EPHA3: variants seen among roughly 807,000 people sequenced by gnomAD.
The protein encoded by EPHA3 is EPH receptor A3.
In EPHA3, 42 loss-of-function variants were observed where a neutral mutation model predicts 107.1. That is an observed-to-expected ratio of 0.39 (90% CI 0.31 to 0.51). EPHA3 has a LOEUF of 0.51. Ranked by LOEUF, EPHA3 falls within the 20% of genes least tolerant of loss-of-function variation. The pLI is 0.78. For missense variants in EPHA3, 1,183 were observed against 1,211.2 expected, an observed-to-expected ratio of 0.98 and a Z score of 0.35; for synonymous variants, 461 against 424.8, an observed-to-expected ratio of 1.09 and a Z score of -1.05.
intron 2 of EPHA3, among the ~76,000 whole-genome samples, chr3:89,153,237 T>C (rs1704725581): frequency 6.6e-6 from 1 of 152,070 alleles, no homozygotes; most frequent in South Asian, 2.1e-4. Context: ...AGAGAGAAGA[T>C]GAGAATGTTT....
At chr3:89,324,731 G>A (rs1355528185) in intron 3 of EPHA3, among the ~76,000 whole-genome samples, 1 of 151,828 alleles carries the variant, frequency 6.6e-6, no homozygotes, top group Non-Finnish European at 1.5e-5. Flanking sequence ...TAGATTCAGA[G>A]CATACATGTT....
At chr3:89,275,901 A>T (rs1025993341) in intron 3 of EPHA3, among the ~76,000 whole-genome samples, 3 of 152,116 alleles carry the variant, frequency 2.0e-5, no homozygotes, top group African/African-American at 7.2e-5. Flanking sequence ...AAGGGAATGC[A>T]ATGCAATGCA....
At chr3:89,261,253 C>G (rs1366172973) in intron 3 of EPHA3, among the ~76,000 whole-genome samples, 1 of 152,138 alleles carries the variant, frequency 6.6e-6, no homozygotes, top group Non-Finnish European at 1.5e-5. Flanking sequence ...TCTTGATGCT[C>G]TTAGAAAAGT....
At chr3:89,328,314 A>T (rs1475967006) in intron 3 of EPHA3, among the ~76,000 whole-genome samples, 3 of 152,106 alleles carry the variant, frequency 2.0e-5, no homozygotes, top group Non-Finnish European at 2.9e-5. Context: ...CCACAAAATA[A>T]TTCAGCCCAC....
intron 3 of EPHA3, among the ~76,000 whole-genome samples, chr3:89,219,688 G>GTTTTTTTTGTTTTTGTT (rs1704308348): frequency 2.9e-5 from 1 of 34,440 alleles, no homozygotes; most frequent in African/African-American, 1.2e-4. Context: ...ATTTGGCAAT[G>GTTTTTTTTGTTTTTGTT]TTTTTTTTTT....
intron 3 of EPHA3, among the ~76,000 whole-genome samples, chr3:89,292,026 G>A (rs142538638): frequency 1.3e-5 from 2 of 152,234 alleles, no homozygotes; most frequent in East Asian, 3.9e-4. Context: ...TAGTCTCTCT[G>A]AGAATAGTAA....
chr3:89,316,819 T>C (rs1186649653), intron 3 of EPHA3, among the ~76,000 whole-genome samples: 1 of 151,620 alleles, frequency 6.6e-6, no homozygotes, highest in Non-Finnish European at 1.5e-5. Context: ...TGTTGTGTAA[T>C]GGCAAAATCT....
At chr3:89,425,445 A>T (rs1329434597) in intron 11 of EPHA3, among the ~76,000 whole-genome samples, 1 of 145,856 alleles carries the variant, frequency 6.9e-6, no homozygotes, top group Non-Finnish European at 1.5e-5. Context: ...GATTATATAG[A>T]TTGCTAGCGG....
intron 3 of EPHA3, among the ~76,000 whole-genome samples, chr3:89,249,933 T>C (rs1705122641): frequency 6.6e-6 from 1 of 152,202 alleles, no homozygotes. Context: ...TTCTGATAGA[T>C]ACACAATTAA....
At chr3:89,244,098 A>T (rs533002825) in intron 3 of EPHA3, among the ~76,000 whole-genome samples, 1 of 152,222 alleles carries the variant, frequency 6.6e-6, no homozygotes, top group South Asian at 2.1e-4. Flanking sequence ...CTTACACATC[A>T]TTTTACATTT....
At chr3:89,307,205 G>C (rs1706644471) in intron 3 of EPHA3, among the ~76,000 whole-genome samples, 2 of 152,082 alleles carry the variant, frequency 1.3e-5, no homozygotes, top group South Asian at 4.1e-4. Flanking sequence ...AACCAAGAAA[G>C]CCTAAAATTG....
intron 3 of EPHA3, among the ~76,000 whole-genome samples, chr3:89,270,320 T>A (rs1420333556): frequency 6.6e-6 from 1 of 152,072 alleles, no homozygotes; most frequent in African/African-American, 2.4e-5. Context: ...TTGGTTTACC[T>A]ATGACCTTTA....
intron 1 of EPHA3, among the ~76,000 whole-genome samples, chr3:89,122,024 C>T (rs1320277054): frequency 9.9e-5 from 15 of 152,166 alleles, no homozygotes; most frequent in East Asian, 9.6e-4. Context: ...GAGAACTACA[C>T]AGAGAATGAT....
intron 3 of EPHA3, among the ~76,000 whole-genome samples, chr3:89,267,806 A>G (rs1251878343): frequency 6.6e-6 from 1 of 152,174 alleles, no homozygotes; most frequent in Non-Finnish European, 1.5e-5. Flanking sequence ...GGCCAAACTG[A>G]CTTAACGTTT....
At chr3:89,303,421 C>T (rs1192808989) in intron 3 of EPHA3, among the ~76,000 whole-genome samples, 1 of 118,740 alleles carries the variant, frequency 8.4e-6, no homozygotes, top group Non-Finnish European at 1.8e-5. Context: ...TCTTAAAATG[C>T]AAAACCTGAT....
intron 3 of EPHA3, among the ~76,000 whole-genome samples, chr3:89,301,782 A>C (rs542972438): frequency 6.6e-6 from 1 of 152,244 alleles, no homozygotes; most frequent in African/African-American, 2.4e-5. Flanking sequence ...GAAGCTCCAC[A>C]GAATAGAACC....
intron 7 of EPHA3, among the ~76,000 whole-genome samples, chr3:89,401,842 C>A (rs1311271435): frequency 2.6e-5 from 4 of 152,106 alleles, no homozygotes; most frequent in Non-Finnish European, 5.9e-5. Flanking sequence ...AACTCCTGAC[C>A]TCAGGGTGAT....
chr3:89,401,261 T>A (rs1559682498), intron 7 of EPHA3, among the ~76,000 whole-genome samples: 3 of 152,224 alleles, frequency 2.0e-5, no homozygotes, highest in African/African-American at 2.4e-5. Context: ...GGTATTGAAA[T>A]GTTAATGTTT....
At chr3:89,252,494 T>G (rs1705186425) in intron 3 of EPHA3, among the ~76,000 whole-genome samples, 3 of 152,196 alleles carry the variant, frequency 2.0e-5, no homozygotes, top group South Asian at 4.1e-4. Flanking sequence ...TCCCAACACT[T>G]TAGGAGGATG....
Sources: gnomAD v4.1 joint callset for allele counts (sites outside exome capture counted in the v4.1 genomes callset) on GRCh38, gnomAD v4.1.1 for gene constraint, MANE v1.5 for transcripts, NCBI Gene and HGNC (gene_info 2026-07-23, HGNC 2026-07-21) for gene names.